Variants in TLE1 observed in about 807,000 individuals in gnomAD.
TLE1 encodes the protein transducin-like enhancer protein 1.
TLE1 carries 21 observed loss-of-function variants against 89.8 expected under a neutral mutation model. That is an observed-to-expected ratio of 0.23 (90% CI 0.17 to 0.34). TLE1 has a LOEUF of 0.34. Ranked by LOEUF, TLE1 falls within the 10% of genes least tolerant of loss-of-function variation. The probability of loss-of-function intolerance (pLI) is 1.00; values close to 1 mark genes in which losing one functional copy is unlikely to be tolerated. For synonymous variants in TLE1, 447 were observed against 407.6 expected (o/e 1.10, Z -1.16); for missense variants, 795 against 1,031.2 (o/e 0.77, Z 3.14).
chr9:81,625,933 A>G (rs1467445426), intron 8 of TLE1, among the ~76,000 whole-genome samples: 2 of 120,274 alleles, frequency 1.7e-5, no homozygotes, highest in South Asian at 2.9e-4. Flanking sequence ...AAAAAAAAAA[A>G]GCAACTTTAA....
At chr9:81,633,279 G>A in intron 8 of TLE1, 69 bp downstream of exon 8, 1 of 1,603,304 alleles carries the variant, frequency 6.2e-7, no homozygotes, top group South Asian at 1.1e-5. Flanking sequence ...AGTGTTGTCA[G>A]AAGGGGACCG....
At chr9:81,602,787 A>G (rs1418961434) in intron 14 of TLE1, among the ~76,000 whole-genome samples, 3 of 152,200 alleles carry the variant, frequency 2.0e-5, no homozygotes, top group Admixed American at 6.5e-5. Flanking sequence ...CCTTACTGAC[A>G]AAACTGGGCA....
intron 8 of TLE1, among the ~76,000 whole-genome samples, chr9:81,632,426 C>T (rs957905125): frequency 2.0e-5 from 3 of 151,706 alleles, no homozygotes; most frequent in Admixed American, 1.3e-4. Flanking sequence ...TTTATCTTCC[C>T]CCCAAAACTT....
chr9:81,661,907 G>T (rs1172992858), intron 4 of TLE1, among the ~76,000 whole-genome samples: 2 of 152,166 alleles, frequency 1.3e-5, no homozygotes, highest in Non-Finnish European at 2.9e-5. Context: ...AGGGAAAGTG[G>T]AACAATCATA....
intron 6 of TLE1, among the ~76,000 whole-genome samples, chr9:81,640,532 C>G (rs1827976323): frequency 6.6e-6 from 1 of 152,150 alleles, no homozygotes; most frequent in African/African-American, 2.4e-5. Context: ...GATCAGTGCA[C>G]TTGCTCTAAC....
chr9:81,661,155 A>T (rs1197104370), intron 4 of TLE1, among the ~76,000 whole-genome samples: 2 of 144,054 alleles, frequency 1.4e-5, no homozygotes, highest in Non-Finnish European at 3.0e-5. Flanking sequence ...AAATAAAAAT[A>T]AAAAATACAT....
At chr9:81,685,370 C>T (rs1219481676) in intron 4 of TLE1, among the ~76,000 whole-genome samples, 1 of 152,164 alleles carries the variant, frequency 6.6e-6, no homozygotes, top group Non-Finnish European at 1.5e-5. Context: ...GATACCCAGC[C>T]CTTTCAAGAG....
At chr9:81,625,686 G>C (rs1229909972) in intron 8 of TLE1, among the ~76,000 whole-genome samples, 1 of 152,062 alleles carries the variant, frequency 6.6e-6, no homozygotes, top group Non-Finnish European at 1.5e-5. Context: ...TGTTAAGATT[G>C]GGACTCTGTA....
At position 81,688,347 on chromosome 9, in the gene TLE1, G is replaced by C; in HGVS notation, c.-107C>G. ...TTAAGCCGGAAAGCCAAGCAGAAGC[G>C]GGGAGCGCGCTGGCCACGCACGCGC... On this transcript the variant is annotated 5_prime_UTR_variant, in exon 1 of 20. Coordinates refer to ENST00000376499, the MANE Select transcript of TLE1 (RefSeq NM_005077.5). 1.2e-5 allele frequency: 16 copies of C among 1,282,846 alleles called. No homozygotes were observed. Among genetic ancestry groups the C allele is most frequent in the African/African-American group, 3.2e-5 (2 of 63,248 alleles). The allele number at this position is 1,282,846 out of a possible 1,614,324, so 79.5% of individuals were successfully genotyped here.
intron 4 of TLE1, among the ~76,000 whole-genome samples, chr9:81,659,631 T>C (rs955246134): frequency 6.6e-6 from 1 of 152,120 alleles, no homozygotes; most frequent in African/African-American, 2.4e-5. Flanking sequence ...TCTACAACAG[T>C]CTTTCATTCT....
At chr9:81,586,508 T>C (rs1400158867) in intron 17 of TLE1, among the ~76,000 whole-genome samples, 1 of 152,194 alleles carries the variant, frequency 6.6e-6, no homozygotes, top group African/African-American at 2.4e-5. Context: ...AGTAAAAATA[T>C]AGTATTATAA....
chr9:81,652,605 GATCACCCTTGTTCACAAAAGGGGTTC>G (rs1341325177), intron 5 of TLE1, among the ~76,000 whole-genome samples: 3 of 152,134 alleles, frequency 2.0e-5, no homozygotes, highest in Non-Finnish European at 2.9e-5. Context: ...GAATTTGGAA[GATCACCCTTGTTCACAAAAGGGGTTC>G]ATAAGTTTAC....
At chr9:81,614,123 T>A (rs1005447562) in intron 11 of TLE1, among the ~76,000 whole-genome samples, 1 of 152,070 alleles carries the variant, frequency 6.6e-6, no homozygotes, top group East Asian at 1.9e-4. Flanking sequence ...TTAGCCAGGA[T>A]GGTCTCGATC....
intron 4 of TLE1, among the ~76,000 whole-genome samples, chr9:81,661,765 C>CA (rs919360492): frequency 3.3e-5 from 5 of 151,666 alleles, no homozygotes; most frequent in South Asian, 2.1e-4. Context: ...ATCCCCCCCC[C>CA]AAAAAAAATG....
intron 6 of TLE1, among the ~76,000 whole-genome samples, chr9:81,642,210 TAG>T (rs1263842290): frequency 6.6e-6 from 1 of 152,168 alleles, no homozygotes; most frequent in Admixed American, 6.5e-5. Context: ...AAGTTAAAAA[TAG>T]AACTACTTTC....
rs760689687 is a variant in TLE1, at chr9:81,620,566, C to CA, written c.595-10dup. On this transcript the variant is annotated splice_polypyrimidine_tract_variant and intron_variant, in intron 8 of 19. Transcript: ENST00000376499. ...ACCAGGAGGGAATTACTCTGCAAGA[C>CA]AAAAAAATTAATCAAAGATTTCTTC... The CA allele has an allele frequency of 6.9e-6, 11 of 1,599,082 alleles. No individual in the cohort carries two copies. The highest frequency in any genetic ancestry group is 8.5e-6 in the Non-Finnish European group (10 of 1,175,748).
At chr9:81,649,106 C>A (rs552897575) in intron 6 of TLE1, among the ~76,000 whole-genome samples, 5 of 152,202 alleles carry the variant, frequency 3.3e-5, no homozygotes, top group African/African-American at 1.2e-4. Flanking sequence ...GCTGTCAAAG[C>A]TGTTTAAAAA....
chr9:81,688,582 G>T lies in TLE1; in HGVS notation c.-342C>A, dbSNP rs938234610. The T allele has an allele frequency of 3.6e-5, 10 of 277,650 alleles. No individual in the cohort carries two copies. The highest frequency in any genetic ancestry group is 6.6e-5 in the Non-Finnish European group (10 of 150,390). The allele number at this position is 277,650 out of a possible 1,614,324, so 17.2% of individuals were successfully genotyped here. The stretch of plus-strand genomic sequence containing the variant: ...CAGCTGCCCGGGCGGGGAGGCGGGG[G>T]CGCGGTGACTCCGACCGCACTCCCC... On this transcript the variant is annotated 5_prime_UTR_variant, in exon 1 of 20. Coordinates refer to ENST00000376499, the MANE Select transcript of TLE1 (RefSeq NM_005077.5).
At chr9:81,592,084 C>T (rs190600610) in intron 15 of TLE1, among the ~76,000 whole-genome samples, 10 of 152,178 alleles carry the variant, frequency 6.6e-5, no homozygotes, top group Non-Finnish European at 1.0e-4. Context: ...CATGGCCGGG[C>T]GCGGTGGCTC....
Sources: gnomAD v4.1 joint callset for allele counts (sites outside exome capture counted in the v4.1 genomes callset) on GRCh38, gnomAD v4.1.1 for gene constraint, MANE v1.5 for transcripts, NCBI Gene and HGNC (gene_info 2026-07-23, HGNC 2026-07-21) for gene names.